Variants in KCNQ1 observed in about 807,000 individuals in gnomAD.
KCNQ1 encodes the protein potassium voltage-gated channel subfamily Q member 1, also known as potassium voltage-gated channel subfamily KQT member 1.
In KCNQ1, 49 loss-of-function variants were observed where a neutral mutation model predicts 72.4. That is an observed-to-expected ratio of 0.68 (90% confidence interval 0.54 to 0.86). The LOEUF (loss-of-function observed/expected upper bound fraction) is 0.86, where lower values mean the gene tolerates loss of function less well. KCNQ1 is among the 40% of genes least tolerant of loss of function. KCNQ1 has a pLI of 0.00. For missense variants in KCNQ1, 790 were observed against 945.1 expected (o/e 0.84, Z 2.15); for synonymous variants, 450 against 412.6 (o/e 1.09, Z -1.10).
chr11:2,648,981 C>CTTTTTTTTTTTTTTTTTTTTTTTTTTTCT, intron 10 of KCNQ1: 1 of 213,306 alleles, frequency 4.7e-6, no homozygotes, highest in African/African-American at 4.4e-5. Context: ...TTTTCTTTTT[C>CTTTTTTTTTTTTTTTTTTTTTTTTTTTCT]TTTTTTTTTT....
Position 2,674,081 on chromosome 11 carries a change from AGGTCT to A in KCNQ1, c.1514+12001_1514+12005del, listed in dbSNP as rs1389903581. On this transcript the variant is annotated intron_variant, in intron 11 of 15. Transcript: ENST00000155840. The surrounding 1 kb of genome is among the most constrained non-coding windows in gnomAD (Gnocchi z 5.9). ...TGGCTGCCCCATGGGGGCTTGGGCT[AGGTCT>A]CCCTGCCGGTGGGGAGGGAGGTGTG... is the stretch of plus-strand genomic sequence containing the variant. 4 of 398,436 alleles carry A rather than the reference AGGTCT, an allele frequency of 1.0e-5. No homozygotes were observed. Among genetic ancestry groups the A allele is most frequent in the Non-Finnish European group, 1.8e-5 (4 of 226,118 alleles). 24.7% of individuals were successfully genotyped at this position (398,436 alleles called of 1,614,324 possible).
intron 15 of KCNQ1, among the ~76,000 whole-genome samples, chr11:2,797,787 C>A (rs123379): frequency 0.39 from 59,254 of 151,862 alleles, 11,687 homozygotes; most frequent in East Asian, 0.48. Context: ...GCCTGCCTCA[C>A]CCTGACCACA....
At chr11:2,795,699 A>G (rs1001036405) in intron 15 of KCNQ1, among the ~76,000 whole-genome samples, 24 of 152,150 alleles carry the variant, frequency 1.6e-4, no homozygotes, top group African/African-American at 5.1e-4. Flanking sequence ...CCAGCTACAG[A>G]TCCCGCCAAC....
Position 2,491,401 on chromosome 11 carries a change from TAAG to T in KCNQ1, c.387-36524_387-36522del, listed in dbSNP as rs1564796095. Among the ~76,000 whole-genome samples the T allele has an allele frequency of 6.6e-6, 1 of 152,086 alleles. No individual in the cohort carries two copies. The highest frequency in any genetic ancestry group is 6.5e-5 in the Admixed American group (1 of 15,276). The stretch of plus-strand genomic sequence containing the variant: ...GATAAATTTAATAAAGAGATTAAAA[TAAG>T]AATCAAGCAGAAATTCTGGAGTTGA... On this transcript the variant is annotated intron_variant, in intron 1 of 15. Coordinates refer to ENST00000155840, the MANE Select transcript of KCNQ1 (RefSeq NM_000218.3). The surrounding 1 kb of genome is among the most constrained non-coding windows in gnomAD (Gnocchi z 4.1).
chr11:2,641,869 C>G, intron 10 of KCNQ1: 1 of 398,394 alleles, frequency 2.5e-6, no homozygotes, highest in African/African-American at 2.1e-5. Context: ...ATTTTCCCAG[C>G]TCCATTAAGT....
chr11:2,563,248 G>C lies in KCNQ1; in HGVS notation c.478-7380G>C, dbSNP rs1848199888. ...TAAAAGCAAAACAATAGATAAGATGGCCAGGTCGACCTTCAGCCTTCTCGG... is the reference window on the plus strand; with the variant it reads ...TAAAAGCAAAACAATAGATAAGATGCCCAGGTCGACCTTCAGCCTTCTCGG... On this transcript the variant is annotated intron_variant, in intron 2 of 15. Coordinates refer to ENST00000155840, the MANE Select transcript of KCNQ1 (RefSeq NM_000218.3). The surrounding 1 kb of genome is among the most constrained non-coding windows in gnomAD (Gnocchi z 7.4). Among the ~76,000 whole-genome samples the C allele has an allele frequency of 1.3e-5, 2 of 152,182 alleles. No homozygotes were observed. Among genetic ancestry groups the C allele is most frequent in the African/African-American group, 4.8e-5 (2 of 41,438 alleles).
chr11:2,474,796 G>A (rs779257481), intron 1 of KCNQ1, among the ~76,000 whole-genome samples: 2 of 120,074 alleles, frequency 1.7e-5, no homozygotes, highest in Non-Finnish European at 3.9e-5. Context: ...ATGGCCAGGT[G>A]GATTAGTGCA....
At chr11:2,822,846 G>A (rs748587105) in intron 15 of KCNQ1, among the ~76,000 whole-genome samples, 3 of 152,100 alleles carry the variant, frequency 2.0e-5, no homozygotes, top group Non-Finnish European at 4.4e-5. Context: ...CGGTGGCATA[G>A]GCCAGAGTAG....
chr11:2,487,719 C>A lies in KCNQ1; in HGVS notation c.387-40209C>A, dbSNP rs527886895. On this transcript the variant is annotated intron_variant, in intron 1 of 15. Transcript: ENST00000155840. ...TGATTTTGCATGTTTACCTTAGATT[C>A]TGTAACTTTGCTGACTTCATTTATT... 1.6e-4 allele frequency among the ~76,000 whole-genome samples: 25 copies of A among 152,210 alleles called. No homozygotes were observed. In the East Asian group the frequency reaches 4.8e-3, roughly 29 times the overall value.
At chr11:2,758,760 TTACGGG>T (rs1372797195) in intron 11 of KCNQ1, among the ~76,000 whole-genome samples, 4 of 152,190 alleles carry the variant, frequency 2.6e-5, no homozygotes, top group Non-Finnish European at 4.4e-5. Context: ...TAAGCGGATC[TTACGGG>T]AATTGTGCTG....
rs1590048433 is a variant in KCNQ1 at position 2,715,053 on chromosome 11, G to GAGT, written c.1514+52975_1514+52977dup. Among the ~76,000 whole-genome samples the GAGT allele has an allele frequency of 6.6e-6, 1 of 152,076 alleles. No homozygotes were observed. The highest frequency in any genetic ancestry group is 1.5e-5 in the Non-Finnish European group (1 of 68,008). ...ATTGCCGGTGGTTGGTGCTGGTGAG[G>GAGT]AGTAGCAGGGTGGGGTCCGGCGGTA... is the stretch of plus-strand genomic sequence containing the variant. On this transcript the variant is annotated intron_variant, in intron 11 of 15. Coordinates refer to ENST00000155840, the MANE Select transcript of KCNQ1 (RefSeq NM_000218.3). The surrounding 1 kb of genome is among the most constrained non-coding windows in gnomAD (Gnocchi z 4.9).
chr11:2,466,180 G>C (rs566513636), intron 1 of KCNQ1, among the ~76,000 whole-genome samples: 27 of 152,308 alleles, frequency 1.8e-4, no homozygotes, highest in Non-Finnish European at 3.4e-4. Flanking sequence ...TCGTTGTTGG[G>C]GGAGGAGATG....
chr11:2,501,456 C>T (rs904350144), intron 1 of KCNQ1, among the ~76,000 whole-genome samples: 4 of 151,942 alleles, frequency 2.6e-5, no homozygotes, highest in Non-Finnish European at 5.9e-5. Flanking sequence ...TAGACATGTG[C>T]AACCTACCAA....
At position 2,826,527 on chromosome 11, in the gene KCNQ1, C is replaced by T. The variant is rs1847844824; in HGVS notation, c.1795-21240C>T. The stretch of plus-strand genomic sequence containing the variant: ...CCGGTGTGGGAGCACTTTCCCCCGC[C>T]CCCTCCTGCTGCTGCTTCCCCGAAG... On this transcript the variant is annotated intron_variant, in intron 15 of 15. Transcript: ENST00000155840. This position sits in a 1 kb window ranked among gnomAD's most constrained non-coding sequence, Gnocchi z 4.2. Among the ~76,000 whole-genome samples the T allele has an allele frequency of 6.6e-6, 1 of 152,220 alleles. No individual in the cohort carries two copies. The highest frequency in any genetic ancestry group is 1.5e-5 in the Non-Finnish European group (1 of 68,034).
At chr11:2,499,924 A>G (rs552098653) in intron 1 of KCNQ1, among the ~76,000 whole-genome samples, 6 of 152,344 alleles carry the variant, frequency 3.9e-5, no homozygotes, top group African/African-American at 1.2e-4. Flanking sequence ...TTAGATCACA[A>G]AACAAGTCTT....
chr11:2,794,340 C>T (rs968943094), intron 15 of KCNQ1, among the ~76,000 whole-genome samples: 5 of 152,132 alleles, frequency 3.3e-5, no homozygotes, highest in South Asian at 4.1e-4. Flanking sequence ...ATGCTTTGCT[C>T]GGAGGGGTGC....
intron 11 of KCNQ1, among the ~76,000 whole-genome samples, chr11:2,722,306 G>A (rs935711355): frequency 2.0e-5 from 3 of 152,178 alleles, no homozygotes; most frequent in African/African-American, 7.2e-5. Flanking sequence ...AGGCCAGGGC[G>A]GGCCTCGGGT....
chr11:2,724,192 C>G lies in KCNQ1; in HGVS notation c.1515-44652C>G, dbSNP rs1366334609. On this transcript the variant is annotated intron_variant, in intron 11 of 15. Transcript: ENST00000155840. The surrounding 1 kb of genome is among the most constrained non-coding windows in gnomAD (Gnocchi z 6.8). The stretch of plus-strand genomic sequence containing the variant: ...AAGGAAAGACAGAAAGAAAAACACG[C>G]ACAGATCCAGGCTCAGATGATATAC... 6.6e-6 allele frequency among the ~76,000 whole-genome samples: 1 copy of G among 152,182 alleles called. No individual in the cohort carries two copies. The highest frequency in any genetic ancestry group is 1.5e-5 in the Non-Finnish European group (1 of 68,042).
intron 15 of KCNQ1, among the ~76,000 whole-genome samples, chr11:2,780,941 A>G (rs1846812490): frequency 6.6e-6 from 1 of 151,990 alleles, no homozygotes; most frequent in African/African-American, 2.4e-5. Context: ...TCCCCATTCC[A>G]GGGATCCCTT....
Sources: allele counts gnomAD v4.1 joint callset (sites outside exome capture counted in the v4.1 genomes callset), GRCh38; gene constraint gnomAD v4.1.1; non-coding constraint Gnocchi (gnomAD v3.1); transcripts MANE v1.5; gene names NCBI Gene and HGNC (gene_info 2026-07-23, HGNC 2026-07-21).